EPHA5: variants seen among roughly 807,000 people sequenced by gnomAD.
EPHA5 encodes the protein ephrin type-A receptor 5.
EPHA5 carries 60 observed loss-of-function variants against 105.0 expected under a neutral mutation model. That is an observed-to-expected ratio of 0.57 (90% confidence interval 0.46 to 0.71). The LOEUF (loss-of-function observed/expected upper bound fraction) is 0.71, where lower values mean the gene tolerates loss of function less well. Ranked by LOEUF, EPHA5 falls within the 30% of genes least tolerant of loss-of-function variation. The pLI, the probability that EPHA5 is intolerant of heterozygous loss-of-function variation, is 0.00. For synonymous variants in EPHA5, 513 were observed against 449.1 expected, an observed-to-expected ratio of 1.14 and a Z score of -1.80; for missense variants, 1,218 against 1,274.7, an observed-to-expected ratio of 0.96 and a Z score of 0.68.
At chr4:65,542,504 C>A (rs1311015745) in intron 3 of EPHA5, among the ~76,000 whole-genome samples, 4 of 151,918 alleles carry the variant, frequency 2.6e-5, no homozygotes, top group South Asian at 4.1e-4. Context: ...CACATACACC[C>A]TCCCAAGACT....
chr4:65,631,356 A>G (rs1746615047), intron 2 of EPHA5, among the ~76,000 whole-genome samples: 1 of 152,192 alleles, frequency 6.6e-6, no homozygotes, highest in Non-Finnish European at 1.5e-5. Context: ...TGGTAAAACC[A>G]TTCAAGGGTT....
intron 3 of EPHA5, among the ~76,000 whole-genome samples, chr4:65,508,991 G>T (rs1361709801): frequency 6.6e-6 from 1 of 152,058 alleles, no homozygotes; most frequent in Non-Finnish European, 1.5e-5. Flanking sequence ...AAGCCATTTT[G>T]CAAATGTTCA....
intron 2 of EPHA5, among the ~76,000 whole-genome samples, chr4:65,628,626 T>A (rs867956160): frequency 5.6e-4 from 85 of 152,316 alleles, no homozygotes; most frequent in Middle Eastern, 3.4e-3. Context: ...CCTTTAAAAA[T>A]TTCATTATTC....
intron 5 of EPHA5, among the ~76,000 whole-genome samples, chr4:65,459,927 C>T (rs1283018795): frequency 6.6e-6 from 1 of 151,576 alleles, no homozygotes; most frequent in Non-Finnish European, 1.5e-5. Context: ...CTGTTTAGTA[C>T]ATTAAAAAGG....
At chr4:65,361,397 G>A (rs1717302026) in intron 11 of EPHA5, among the ~76,000 whole-genome samples, 1 of 151,576 alleles carries the variant, frequency 6.6e-6, no homozygotes, top group African/African-American at 2.4e-5. Context: ...ATGGAAATGT[G>A]TATCAGGTTA....
intron 3 of EPHA5, among the ~76,000 whole-genome samples, chr4:65,592,809 G>A (rs776808386): frequency 2.6e-5 from 4 of 152,134 alleles, no homozygotes; most frequent in Non-Finnish European, 5.9e-5. Context: ...CATGATGTCA[G>A]AATTTCTCCT....
At chr4:65,601,222 A>C (rs899128279) in intron 3 of EPHA5, among the ~76,000 whole-genome samples, 1 of 152,226 alleles carries the variant, frequency 6.6e-6, no homozygotes, top group African/African-American at 2.4e-5. Flanking sequence ...AAACATGCCA[A>C]AACTAGTCTA....
intron 3 of EPHA5, among the ~76,000 whole-genome samples, chr4:65,578,130 A>G (rs1395114917): frequency 6.6e-6 from 1 of 152,082 alleles, no homozygotes; most frequent in Non-Finnish European, 1.5e-5. Context: ...TCCAAACACC[A>G]CACCCTCTCC....
At chr4:65,635,893 C>T (rs1259362723) in intron 2 of EPHA5, among the ~76,000 whole-genome samples, 4 of 151,970 alleles carry the variant, frequency 2.6e-5, no homozygotes, top group African/African-American at 9.7e-5. Flanking sequence ...AGATTGATAG[C>T]TTAAGGGCAG....
At chr4:65,375,289 A>AT (rs891736246) in intron 8 of EPHA5, among the ~76,000 whole-genome samples, 41 of 149,996 alleles carry the variant, frequency 2.7e-4, no homozygotes, top group Middle Eastern at 3.4e-3. Flanking sequence ...AATCTTTTTT[A>AT]TTTTTTTTTC....
intron 3 of EPHA5, among the ~76,000 whole-genome samples, chr4:65,520,967 C>T (rs180713292): frequency 4.6e-4 from 70 of 152,188 alleles, no homozygotes; most frequent in African/African-American, 1.5e-3. Context: ...GACAGTTTGG[C>T]GATTCCTCAA....
At chr4:65,393,128 TGA>T (rs1720884979) in intron 8 of EPHA5, among the ~76,000 whole-genome samples, 1 of 152,142 alleles carries the variant, frequency 6.6e-6, no homozygotes, top group Non-Finnish European at 1.5e-5. Flanking sequence ...GCTTAAATAT[TGA>T]GAGATAATAT....
At chr4:65,443,926 T>C (rs868125968) in intron 5 of EPHA5, among the ~76,000 whole-genome samples, 3 of 152,044 alleles carry the variant, frequency 2.0e-5, no homozygotes, top group East Asian at 3.9e-4. Flanking sequence ...TGTGTGTGTG[T>C]GTGCGTGCAC....
chr4:65,658,910 A>G (rs1378060640), intron 1 of EPHA5, among the ~76,000 whole-genome samples: 1 of 152,126 alleles, frequency 6.6e-6, no homozygotes, highest in Non-Finnish European at 1.5e-5. Flanking sequence ...AATCTATTCT[A>G]CAGGCTCTAT....
intron 6 of EPHA5, 145 bp downstream of exon 6, chr4:65,420,296 T>C (rs1397906731): frequency 2.5e-6 from 2 of 791,452 alleles, no homozygotes; most frequent in Admixed American, 3.0e-5. Context: ...TGTACACTTC[T>C]AGCCTCCATA....
At chr4:65,563,814 T>G (rs1739263055) in intron 3 of EPHA5, among the ~76,000 whole-genome samples, 2 of 152,020 alleles carry the variant, frequency 1.3e-5, no homozygotes, top group South Asian at 4.1e-4. Context: ...TGATGAGTAA[T>G]GAAAGAGATT....
chr4:65,355,100 G>T (rs4860654), intron 11 of EPHA5, among the ~76,000 whole-genome samples: 1 of 151,458 alleles, frequency 6.6e-6, no homozygotes, highest in South Asian at 2.1e-4. Context: ...GAGTGCAGGG[G>T]TCACAGGTGT....
At chr4:65,503,906 G>GAGACAC (rs1732738731) in intron 3 of EPHA5, among the ~76,000 whole-genome samples, 1 of 57,410 alleles carries the variant, frequency 1.7e-5, no homozygotes, top group Non-Finnish European at 3.7e-5. Flanking sequence ...TCATGTGTGT[G>GAGACAC]ATACACACAC....
intron 5 of EPHA5, among the ~76,000 whole-genome samples, chr4:65,449,895 A>C (rs1320860886): frequency 6.6e-6 from 1 of 151,830 alleles, no homozygotes; most frequent in African/African-American, 2.4e-5. Context: ...CTCCTTTAGT[A>C]CTTTCAGAGA....
Sources: allele counts gnomAD v4.1 joint callset (sites outside exome capture counted in the v4.1 genomes callset), GRCh38; gene constraint gnomAD v4.1.1; transcripts MANE v1.5; gene names NCBI Gene and HGNC (gene_info 2026-07-23, HGNC 2026-07-21).